Variants in ANKS1B observed in about 807,000 individuals in gnomAD.
ANKS1B encodes the protein ankyrin repeat and sterile alpha motif domain-containing protein 1B.
ANKS1B carries 36 observed loss-of-function variants against 148.3 expected under a neutral mutation model. The ratio of observed to expected loss-of-function variants is 0.24; its 90% CI spans 0.19 to 0.32. ANKS1B has a LOEUF of 0.32. ANKS1B is among the 10% of genes least tolerant of loss of function. The probability of loss-of-function intolerance (pLI) is 1.00; values close to 1 mark genes in which losing one functional copy is unlikely to be tolerated. For synonymous variants in ANKS1B, 542 were observed against 560.8 expected (o/e 0.97, Z 0.47); for missense variants, 1,157 against 1,542.6 (o/e 0.75, Z 4.19).
chr12:99,501,528 A>G (rs1043792442), intron 10 of ANKS1B, among the ~76,000 whole-genome samples: 1 of 151,936 alleles, frequency 6.6e-6, no homozygotes. Flanking sequence ...GGAATTTCCC[A>G]CCCCCTGACC....
intron 19 of ANKS1B, among the ~76,000 whole-genome samples, chr12:98,813,389 T>C (rs977501987): frequency 1.5e-4 from 19 of 130,822 alleles, no homozygotes; most frequent in African/African-American, 4.4e-4. Flanking sequence ...TTTTTTTTTT[T>C]CTAAATGTGT....
intron 9 of ANKS1B, among the ~76,000 whole-genome samples, chr12:99,582,165 T>C (rs952868295): frequency 1.4e-4 from 22 of 151,910 alleles, no homozygotes; most frequent in African/African-American, 5.1e-4. Context: ...ACATACTCTT[T>C]AGAATGGCCA....
At chr12:99,754,788 A>G (rs963480309) in intron 8 of ANKS1B, among the ~76,000 whole-genome samples, 1 of 152,088 alleles carries the variant, frequency 6.6e-6, no homozygotes, top group African/African-American at 2.4e-5. Flanking sequence ...TCAATAAGTT[A>G]TTTGGAATTA....
chr12:99,467,910 A>T (rs2096158114), intron 10 of ANKS1B, among the ~76,000 whole-genome samples: 1 of 152,138 alleles, frequency 6.6e-6, no homozygotes, highest in Admixed American at 6.5e-5. Flanking sequence ...GCTACCAATG[A>T]CTTTCTTCAC....
intron 12 of ANKS1B, among the ~76,000 whole-genome samples, chr12:99,330,582 A>G (rs2087316861): frequency 6.6e-6 from 1 of 152,020 alleles, no homozygotes; most frequent in South Asian, 2.1e-4. Flanking sequence ...GAAAGATTGG[A>G]GGTGGGAAGG....
At chr12:99,315,539 TA>T (rs2083916162) in intron 12 of ANKS1B, among the ~76,000 whole-genome samples, 1 of 151,888 alleles carries the variant, frequency 6.6e-6, no homozygotes, top group Non-Finnish European at 1.5e-5. Flanking sequence ...ATCAGAATGG[TA>T]ATTATTATTT....
intron 11 of ANKS1B, among the ~76,000 whole-genome samples, chr12:99,426,938 A>T (rs1483302567): frequency 6.6e-6 from 1 of 152,164 alleles, no homozygotes; most frequent in Non-Finnish European, 1.5e-5. Context: ...TTTCACAGTG[A>T]CTCAAGCCAT....
chr12:99,181,153 A>G (rs1267861724), intron 14 of ANKS1B, among the ~76,000 whole-genome samples: 1 of 152,180 alleles, frequency 6.6e-6, no homozygotes, highest in African/African-American at 2.4e-5. Flanking sequence ...CTTTGGTTAA[A>G]TAAATTCGTT....
chr12:98,852,409 T>C (rs1352695985), intron 17 of ANKS1B, among the ~76,000 whole-genome samples: 2 of 151,970 alleles, frequency 1.3e-5, no homozygotes, highest in Non-Finnish European at 2.9e-5. Flanking sequence ...GAAATTAGGC[T>C]TGGGAAGATG....
chr12:99,246,140 C>G (rs1044897722), intron 13 of ANKS1B, 135 bp downstream of exon 13: 5 of 635,152 alleles, frequency 7.9e-6, no homozygotes, highest in African/African-American at 1.8e-5. Context: ...CCCACAGAAC[C>G]ATTTCATTCC....
chr12:99,842,060 T>C (rs2085834125), intron 1 of ANKS1B, among the ~76,000 whole-genome samples: 3 of 152,158 alleles, frequency 2.0e-5, no homozygotes, highest in Non-Finnish European at 4.4e-5. Context: ...ACTCATTTAA[T>C]TTTATTCTTT....
chr12:99,107,884 A>G (rs765485202), intron 15 of ANKS1B, among the ~76,000 whole-genome samples: 1 of 146,580 alleles, frequency 6.8e-6, no homozygotes, highest in Admixed American at 7.1e-5. Context: ...AGAGAGAAAT[A>G]AACACACACA....
chr12:99,832,711 G>C (rs1054752778), intron 1 of ANKS1B, among the ~76,000 whole-genome samples: 1 of 150,530 alleles, frequency 6.6e-6, no homozygotes, highest in African/African-American at 2.5e-5. Flanking sequence ...ATGACAGAGA[G>C]AGACTCCATC....
intron 12 of ANKS1B, among the ~76,000 whole-genome samples, chr12:99,355,200 G>A (rs1322951724): frequency 2.6e-5 from 4 of 151,986 alleles, no homozygotes; most frequent in East Asian, 1.9e-4. Flanking sequence ...CTAAGAGAGC[G>A]GAATTGCTAA....
At chr12:99,641,239 T>C (rs1412667822) in intron 9 of ANKS1B, among the ~76,000 whole-genome samples, 1 of 152,244 alleles carries the variant, frequency 6.6e-6, no homozygotes, top group Non-Finnish European at 1.5e-5. Context: ...CTTGCATTTA[T>C]ATTGAAAGAG....
Position 99,246,340 on chromosome 12 carries a change from T to A in ANKS1B, c.2281A>T (p.Thr761Ser). Reference protein sequence around the residue: ...TSRVNWSESSTAEHSSKGNSE... With the variant: ...TSRVNWSESSSAEHSSKGNSE... Reference sequence around the variant, plus strand: ...TTCCCTTTAGAACTGTGTTCAGCAGTGGAAGATTCACTCCAGTTAACTCTT... The same window carrying A: ...TTCCCTTTAGAACTGTGTTCAGCAGAGGAAGATTCACTCCAGTTAACTCTT... The change falls in exon 13 of 27, where the codon ACT (threonine) becomes TCT (serine). Residue 761 changes from threonine to serine, a missense_variant. Thr to Ser is a moderately conservative substitution (Grantham distance 58). Around this residue, in one of 6 missense-constraint regions of ANKS1B, gnomAD observed 661 missense variants for 642.1 expected, o/e 1.03. Transcript: ENST00000683438. 6.2e-7 allele frequency: 1 copy of A among 1,613,196 alleles called. No homozygotes were observed. The highest frequency in any genetic ancestry group is 8.5e-7 in the Non-Finnish European group (1 of 1,179,558).
chr12:98,916,204 A>G (rs575744229), intron 17 of ANKS1B, among the ~76,000 whole-genome samples: 2 of 152,372 alleles, frequency 1.3e-5, no homozygotes, highest in Admixed American at 6.5e-5. Flanking sequence ...CTGCTGAGCT[A>G]CTGAGCTACA....
At chr12:99,060,708 TAG>T (rs34719507) in intron 16 of ANKS1B, among the ~76,000 whole-genome samples, 75,372 of 138,930 alleles carry the variant, frequency 0.54, 21,751 homozygotes, top group East Asian at 0.77. Context: ...CACATATATA[TAG>T]AGAGAGAGAG....
Position 99,750,290 on chromosome 12 carries a change from T to A in ANKS1B, c.1128+22632A>T, listed in dbSNP as rs7488547. ...TAATAAGCAAATGCTTAGAGGTCAC[T>A]ATAATATTCCTAGGAAAAAAGTAAA... On this transcript the variant is annotated intron_variant, in intron 8 of 26. Transcript: ENST00000683438. Among the ~76,000 whole-genome samples the A allele has an allele frequency of 7.1e-3, 1,086 of 152,172 alleles. 8 individuals are homozygous for A. Among genetic ancestry groups the A allele is most frequent in the Non-Finnish European group, 0.012 (810 of 67,968 alleles).
Sources: allele counts gnomAD v4.1 joint callset (sites outside exome capture counted in the v4.1 genomes callset), GRCh38; gene constraint gnomAD v4.1.1; regional missense constraint gnomAD v4.1.1; transcripts MANE v1.5; gene names NCBI Gene and HGNC (gene_info 2026-07-23, HGNC 2026-07-21).